The following LPP variants were observed in gnomAD, a reference collection of about 807,000 sequenced individuals.
LPP encodes lipoma-preferred partner.
LPP carries 38 observed loss-of-function variants against 60.4 expected under a neutral mutation model. That is an observed-to-expected ratio of 0.63 (90% CI 0.49 to 0.83). The LOEUF (loss-of-function observed/expected upper bound fraction) is 0.83, where lower values mean the gene tolerates loss of function less well. Among genes scored for constraint, LPP ranks in the 40% least tolerant of loss-of-function variants. The pLI is 0.00. For synonymous variants in LPP, 328 were observed against 290.8 expected (o/e 1.13, Z -1.30); for missense variants, 902 against 783.6 (o/e 1.15, Z -1.80).
intron 7 of LPP, among the ~76,000 whole-genome samples, chr3:188,615,437 C>A (rs375094531): frequency 1.3e-5 from 2 of 152,178 alleles, no homozygotes; most frequent in East Asian, 3.8e-4. Context: ...TGTTTTCACT[C>A]TTTTACTGTA....
intron 1 of LPP, among the ~76,000 whole-genome samples, chr3:188,203,600 T>C (rs1327429943): frequency 1.8e-5 from 2 of 113,550 alleles, no homozygotes; most frequent in East Asian, 4.5e-4. Context: ...TTTAAATATA[T>C]ATAAATATAT....
At chr3:188,511,242 C>T (rs529813583) in intron 5 of LPP, among the ~76,000 whole-genome samples, 2 of 109,062 alleles carry the variant, frequency 1.8e-5, no homozygotes, top group East Asian at 7.5e-4. Flanking sequence ...CTCCCTCCCT[C>T]ACTCCCTTCC....
chr3:188,228,245 A>G (rs978617936), intron 2 of LPP, among the ~76,000 whole-genome samples: 5 of 152,218 alleles, frequency 3.3e-5, no homozygotes. Flanking sequence ...ATGGCCATCA[A>G]GAACATAGAA....
chr3:188,770,168 CT>C (rs57278260), intron 9 of LPP, among the ~76,000 whole-genome samples: 9,727 of 64,218 alleles, frequency 0.15, 407 homozygotes, highest in East Asian at 0.35. Context: ...AGTTATAATT[CT>C]TTTTTTTTTT....
At position 188,411,724 on chromosome 3, in the gene LPP, CAAAAAT is replaced by C. The variant is rs1578699453; in HGVS notation, c.193+5416_193+5421del. 5.3e-5 allele frequency among the ~76,000 whole-genome samples: 8 copies of C among 152,190 alleles called. No homozygotes were observed. The East Asian group carries it at 1.5e-3, about 29-fold the overall frequency. On this transcript the variant is annotated intron_variant, in intron 4 of 11. Coordinates refer to ENST00000617246, the MANE Select transcript of LPP (RefSeq NM_001375462.1). ...CAACAAACAACAACCACCCCACCCCCAAAAATAAAACAACAACAGCAATTAAACTCA... is the reference window on the plus strand; with the variant it reads ...CAACAAACAACAACCACCCCACCCCCAAAACAACAACAGCAATTAAACTCA...
intron 4 of LPP, among the ~76,000 whole-genome samples, chr3:188,469,180 C>T (rs1288367201): frequency 4.6e-5 from 7 of 152,118 alleles, no homozygotes; most frequent in South Asian, 2.1e-4. Context: ...GGATGAAGAA[C>T]ATCCAATAGA....
intron 4 of LPP, among the ~76,000 whole-genome samples, chr3:188,437,593 A>T (rs566666019): frequency 6.6e-6 from 1 of 152,346 alleles, no homozygotes; most frequent in East Asian, 1.9e-4. Flanking sequence ...TATAGTTTTC[A>T]TAATATGTAA....
rs997104858 is a variant in LPP, at chr3:188,216,396, G to A, written c.-189-9009G>A. 5.3e-5 allele frequency among the ~76,000 whole-genome samples: 8 copies of A among 150,720 alleles called. No individual in the cohort carries two copies. In the South Asian group the frequency reaches 6.4e-4, roughly 12 times the overall value. On this transcript the variant is annotated intron_variant, in intron 1 of 11. Transcript: ENST00000617246. ...AGCCATTCTCCTGCCTCAGCCTCCC[G>A]AGTAGCTAGGACTACAGGCACTTGC... is the stretch of plus-strand genomic sequence containing the variant.
At chr3:188,781,974 G>A (rs1377309995) in intron 9 of LPP, among the ~76,000 whole-genome samples, 1 of 151,854 alleles carries the variant, frequency 6.6e-6, no homozygotes, top group Non-Finnish European at 1.5e-5. Flanking sequence ...GGGGATTATG[G>A]GAACTACAAT....
intron 2 of LPP, among the ~76,000 whole-genome samples, chr3:188,229,370 G>A (rs1560131950): frequency 6.6e-6 from 1 of 152,150 alleles, no homozygotes; most frequent in Non-Finnish European, 1.5e-5. Flanking sequence ...TACAATTGCC[G>A]ACTGTCGCCA....
chr3:188,470,506 GTGCT>G (rs760544124), intron 4 of LPP, among the ~76,000 whole-genome samples: 12 of 152,122 alleles, frequency 7.9e-5, no homozygotes, highest in Non-Finnish European at 1.2e-4. Flanking sequence ...ATTGGAAGAG[GTGCT>G]TTTAGGATAG....
At chr3:188,496,135 T>C (rs766202498) in intron 5 of LPP, among the ~76,000 whole-genome samples, 26 of 152,118 alleles carry the variant, frequency 1.7e-4, no homozygotes, top group Non-Finnish European at 3.5e-4. Context: ...GACGTCTTTT[T>C]TTTTTGAGAC....
At chr3:188,353,290 T>C (rs1766498844) in intron 3 of LPP, among the ~76,000 whole-genome samples, 1 of 152,202 alleles carries the variant, frequency 6.6e-6, no homozygotes, top group Admixed American at 6.5e-5. Flanking sequence ...AGGATGAGCA[T>C]CCAGTAAGTT....
At chr3:188,457,755 T>TAA (rs1798078395) in intron 4 of LPP, among the ~76,000 whole-genome samples, 1 of 147,828 alleles carries the variant, frequency 6.8e-6, no homozygotes, top group South Asian at 2.1e-4. Flanking sequence ...TATATATATA[T>TAA]AAAATTAGCC....
chr3:188,702,120 C>T (rs2686577), intron 7 of LPP, among the ~76,000 whole-genome samples: 1 of 151,658 alleles, frequency 6.6e-6, no homozygotes, highest in Admixed American at 6.6e-5. Flanking sequence ...CCATGCCCGG[C>T]TAATTTTTTG....
chr3:188,529,293 C>T (rs1484668208), intron 6 of LPP, among the ~76,000 whole-genome samples: 1 of 152,124 alleles, frequency 6.6e-6, no homozygotes, highest in Non-Finnish European at 1.5e-5. Flanking sequence ...GAAATGTAGA[C>T]CGTTAATGCC....
intron 7 of LPP, among the ~76,000 whole-genome samples, chr3:188,611,525 C>T (rs746083063): frequency 1.3e-5 from 2 of 152,032 alleles, no homozygotes; most frequent in African/African-American, 2.4e-5. Context: ...ACAGATTTAC[C>T]CAGGGAAGAT....
At chr3:188,214,917 A>G (rs1712906539) in intron 1 of LPP, among the ~76,000 whole-genome samples, 1 of 152,204 alleles carries the variant, frequency 6.6e-6, no homozygotes, top group African/African-American at 2.4e-5. Flanking sequence ...TTATTGTGGC[A>G]CTATAGCTGC....
chr3:188,424,681 C>T (rs1229203689), intron 4 of LPP, among the ~76,000 whole-genome samples: 4 of 151,940 alleles, frequency 2.6e-5, no homozygotes, highest in Non-Finnish European at 5.9e-5. Context: ...CCTTGTAAGT[C>T]GTATTCCTAG....
Sources: allele counts gnomAD v4.1 joint callset (sites outside exome capture counted in the v4.1 genomes callset), GRCh38; gene constraint gnomAD v4.1.1; transcripts MANE v1.5; gene names NCBI Gene and HGNC (gene_info 2026-07-23, HGNC 2026-07-21).